Variants in ADGRL3 observed in about 807,000 individuals in gnomAD.
The protein encoded by ADGRL3 is calcium-independent alpha-latrotoxin receptor 3.
A neutral mutation model predicts 153.5 loss-of-function variants in ADGRL3; 62 were observed. The observed-to-expected ratio is 0.40, with a 90% CI of 0.33 to 0.50. The LOEUF (loss-of-function observed/expected upper bound fraction) is 0.50, where lower values mean the gene tolerates loss of function less well. Ranked by LOEUF, ADGRL3 falls within the 20% of genes least tolerant of loss-of-function variation. The probability of loss-of-function intolerance (pLI) is 0.47; values close to 1 mark genes in which losing one functional copy is unlikely to be tolerated. For synonymous variants in ADGRL3, 710 were observed against 672.5 expected (o/e 1.06, Z -0.86); for missense variants, 1,641 against 1,859.4 (o/e 0.88, Z 2.16).
rs2093671996 is a variant in ADGRL3, at chr4:61,641,527, A to G, written c.474-35299A>G. 2.0e-5 allele frequency among the ~76,000 whole-genome samples: 3 copies of G among 147,802 alleles called. 1 individual carries two copies. The highest frequency in any genetic ancestry group is 7.5e-5 in the African/African-American group (3 of 40,170). The stretch of plus-strand genomic sequence containing the variant: ...GTTCAATTCCCACCTATGAGTGAGA[A>G]TATGCAGTGTTTGGTTTTTTGTTCT... On this transcript the variant is annotated intron_variant, in intron 5 of 26. Coordinates refer to ENST00000683033, the MANE Select transcript of ADGRL3 (RefSeq NM_001387552.1).
chr4:61,993,353 C>T (rs1581784758), intron 19 of ADGRL3, among the ~76,000 whole-genome samples: 1 of 134,936 alleles, frequency 7.4e-6, no homozygotes, highest in Non-Finnish European at 1.5e-5. Flanking sequence ...GGTGTAACGG[C>T]ATGATCTTGG....
chr4:61,365,044 T>C (rs910927816), intron 1 of ADGRL3, among the ~76,000 whole-genome samples: 9 of 152,146 alleles, frequency 5.9e-5, no homozygotes, highest in Admixed American at 2.0e-4. Context: ...AAAATGCTTA[T>C]CTGGAGAAGG....
intron 9 of ADGRL3, among the ~76,000 whole-genome samples, chr4:61,848,440 C>T (rs2098163394): frequency 6.6e-6 from 1 of 151,816 alleles, no homozygotes; most frequent in South Asian, 2.1e-4. Flanking sequence ...TCCCTCTTTC[C>T]TCTGTATGTC....
chr4:61,489,647 A>G (rs537605717), intron 2 of ADGRL3, among the ~76,000 whole-genome samples: 9 of 151,992 alleles, frequency 5.9e-5, no homozygotes, highest in Non-Finnish European at 1.0e-4. Flanking sequence ...ATATTATACT[A>G]AAAAATGCAA....
At chr4:61,769,225 G>A (rs557611461) in intron 8 of ADGRL3, among the ~76,000 whole-genome samples, 2 of 152,010 alleles carry the variant, frequency 1.3e-5, no homozygotes, top group Non-Finnish European at 1.5e-5. Flanking sequence ...GACTGGCGCC[G>A]GAGTTTTGGG....
chr4:61,346,047 G>A (rs1001743140), intron 1 of ADGRL3, among the ~76,000 whole-genome samples: 2 of 152,118 alleles, frequency 1.3e-5, no homozygotes, highest in South Asian at 4.1e-4. Flanking sequence ...TGCGCTCACG[G>A]CATGTATAAT....
intron 6 of ADGRL3, among the ~76,000 whole-genome samples, chr4:61,706,002 T>C (rs2095851309): frequency 6.6e-6 from 1 of 152,192 alleles, no homozygotes; most frequent in Admixed American, 6.5e-5. Flanking sequence ...AAATAAGCAT[T>C]GGCTTCAACT....
chr4:61,563,063 T>C (rs780803482), intron 4 of ADGRL3, among the ~76,000 whole-genome samples: 30 of 151,610 alleles, frequency 2.0e-4, no homozygotes, highest in Non-Finnish European at 3.7e-4. Flanking sequence ...CTATAGAGAG[T>C]GTTATATGTA....
At chr4:61,390,352 T>G (rs1436946408) in intron 2 of ADGRL3, among the ~76,000 whole-genome samples, 1 of 152,154 alleles carries the variant, frequency 6.6e-6, no homozygotes, top group Non-Finnish European at 1.5e-5. Context: ...TCCACGGCAT[T>G]GAAAAAATAT....
At chr4:62,051,648 T>C (rs1263857940) in intron 25 of ADGRL3, among the ~76,000 whole-genome samples, 3 of 151,786 alleles carry the variant, frequency 2.0e-5, no homozygotes, top group Non-Finnish European at 4.4e-5. Context: ...TTTATTATTA[T>C]TGTTAACCTA....
intron 25 of ADGRL3, among the ~76,000 whole-genome samples, chr4:62,058,835 T>C (rs1236371850): frequency 3.3e-5 from 5 of 152,144 alleles, no homozygotes. Context: ...GACAGAATCC[T>C]GGAAGACAGT....
At chr4:61,675,557 T>C (rs1325653443) in intron 5 of ADGRL3, among the ~76,000 whole-genome samples, 1 of 151,644 alleles carries the variant, frequency 6.6e-6, no homozygotes, top group Admixed American at 6.6e-5. Flanking sequence ...TCCCCATGAA[T>C]TAATCAATTC....
chr4:61,803,316 C>T (rs1244597911), intron 8 of ADGRL3, among the ~76,000 whole-genome samples: 1 of 152,160 alleles, frequency 6.6e-6, no homozygotes, highest in East Asian at 1.9e-4. Flanking sequence ...CTATTAAAGT[C>T]ACCTCTTCCA....
chr4:61,995,318 T>C (rs1378103774), intron 19 of ADGRL3, among the ~76,000 whole-genome samples: 1 of 152,162 alleles, frequency 6.6e-6, no homozygotes, highest in African/African-American at 2.4e-5. Context: ...CATTACTTTT[T>C]TGATAGGCAT....
chr4:61,369,473 A>C (rs987636571), intron 1 of ADGRL3, among the ~76,000 whole-genome samples: 21 of 152,124 alleles, frequency 1.4e-4, no homozygotes, highest in Non-Finnish European at 2.4e-4. Flanking sequence ...CCTTTTCTGC[A>C]TCTATTGAGA....
intron 15 of ADGRL3, among the ~76,000 whole-genome samples, chr4:61,946,686 G>C (rs2098926233): frequency 6.6e-6 from 1 of 152,094 alleles, no homozygotes. Flanking sequence ...ACTTAGTTTT[G>C]AGTATGGAGT....
chr4:61,369,232 G>C (rs1170098699), intron 1 of ADGRL3, among the ~76,000 whole-genome samples: 2 of 152,072 alleles, frequency 1.3e-5, no homozygotes. Context: ...TCTTTCTCCT[G>C]CCTAATTGCC....
intron 4 of ADGRL3, among the ~76,000 whole-genome samples, chr4:61,582,805 A>T (rs892883782): frequency 6.6e-6 from 1 of 152,000 alleles, no homozygotes; most frequent in Non-Finnish European, 1.5e-5. Context: ...TAGATATGAA[A>T]TGACCTTCTG....
chr4:61,217,266 AT>A (rs1474675608), intron 1 of ADGRL3, among the ~76,000 whole-genome samples: 1 of 152,192 alleles, frequency 6.6e-6, no homozygotes, highest in African/African-American at 2.4e-5. Context: ...TAGCAGCAGA[AT>A]CAGACCTTGC....
Sources: allele counts gnomAD v4.1 joint callset (sites outside exome capture counted in the v4.1 genomes callset), GRCh38; gene constraint gnomAD v4.1.1; transcripts MANE v1.5; gene names NCBI Gene and HGNC (gene_info 2026-07-23, HGNC 2026-07-21).